The following SENP6 variants were observed in gnomAD, a reference collection of about 807,000 sequenced individuals.
The protein encoded by SENP6 is sentrin-specific protease 6.
In SENP6, 41 loss-of-function variants were observed where a neutral mutation model predicts 134.5. The observed-to-expected ratio is 0.30, with a 90% CI of 0.24 to 0.40. The LOEUF is 0.40. SENP6 is among the 10% of genes least tolerant of loss of function. The pLI is 1.00. For synonymous variants in SENP6, 395 were observed against 429.8 expected (o/e 0.92, Z 1.00); for missense variants, 1,248 against 1,312.5 (o/e 0.95, Z 0.76).
At chr6:75,665,242 C>T (rs1053696712) in intron 9 of SENP6, among the ~76,000 whole-genome samples, 3 of 151,128 alleles carry the variant, frequency 2.0e-5, no homozygotes, top group South Asian at 2.1e-4. Context: ...GCCAAGATCG[C>T]GCCACTGCGC....
At position 75,702,924 on chromosome 6, in the gene SENP6, T is replaced by C; in HGVS notation, c.2568T>C (p.Ser856=). Residue 856 remains serine, a synonymous_variant, in exon 19 of 24, where the codon AGT becomes AGC. Coordinates refer to ENST00000447266, the MANE Select transcript of SENP6 (RefSeq NM_015571.4). The part of the protein sequence containing the change: ...SDPRYKRNIC[S]VKYSVKKINH... Reference sequence around the variant, plus strand: ...CTCGTTATAAGAGAAACATATGCAGTGTAAAATACAGTGTGAAAAAAATAA... The same window carrying C: ...CTCGTTATAAGAGAAACATATGCAGCGTAAAATACAGTGTGAAAAAAATAA... 6.2e-7 allele frequency: 1 copy of C among 1,614,058 alleles called. No individual in the cohort carries two copies. The highest frequency in any genetic ancestry group is 1.3e-5 in the African/African-American group (1 of 75,030).
At chr6:75,669,882 ATTT>A (rs894290199) in intron 10 of SENP6, among the ~76,000 whole-genome samples, 1 of 152,102 alleles carries the variant, frequency 6.6e-6, no homozygotes, top group African/African-American at 2.4e-5. Flanking sequence ...TACTCTGCAT[ATTT>A]TAGAGTTTAG....
At chr6:75,661,017 T>C (rs1008031333) in intron 8 of SENP6, among the ~76,000 whole-genome samples, 5 of 152,132 alleles carry the variant, frequency 3.3e-5, no homozygotes, top group South Asian at 2.1e-4. Context: ...TCTTCTCCTT[T>C]AAGTGGAGGG....
intron 1 of SENP6, among the ~76,000 whole-genome samples, chr6:75,621,026 A>C (rs569376247): frequency 6.6e-6 from 1 of 152,300 alleles, no homozygotes; most frequent in South Asian, 2.1e-4. Context: ...TAATGAGCAC[A>C]TTTAGTGTTC....
At chr6:75,669,587 T>C (rs1418189251) in intron 10 of SENP6, among the ~76,000 whole-genome samples, 1 of 152,172 alleles carries the variant, frequency 6.6e-6, no homozygotes, top group Non-Finnish European at 1.5e-5. Context: ...CTAATATAAT[T>C]ACTTGTAATT....
At chr6:75,671,104 T>G (rs1200677849) in intron 11 of SENP6, among the ~76,000 whole-genome samples, 1 of 152,336 alleles carries the variant, frequency 6.6e-6, no homozygotes, top group Admixed American at 6.5e-5. Flanking sequence ...GCATCAAGAC[T>G]CCTAGAAATA....
At chr6:75,689,079 C>T (rs527947424) in intron 16 of SENP6, among the ~76,000 whole-genome samples, 1 of 151,964 alleles carries the variant, frequency 6.6e-6, no homozygotes, top group Admixed American at 6.5e-5. Context: ...GAAAAAAATT[C>T]AGCTGGGCAT....
intron 3 of SENP6, among the ~76,000 whole-genome samples, chr6:75,633,129 T>G (rs920311986): frequency 6.6e-6 from 1 of 152,200 alleles, no homozygotes; most frequent in African/African-American, 2.4e-5. Context: ...TCTATTGAAG[T>G]ATAAAGTATC....
At chr6:75,685,180 T>C (rs1352796612) in intron 16 of SENP6, among the ~76,000 whole-genome samples, 1 of 152,184 alleles carries the variant, frequency 6.6e-6, no homozygotes, top group Non-Finnish European at 1.5e-5. Context: ...TCTAGATTAT[T>C]TGCATAGAGG....
intron 3 of SENP6, among the ~76,000 whole-genome samples, chr6:75,624,508 A>G (rs1768516794): frequency 1.3e-5 from 2 of 152,116 alleles, no homozygotes; most frequent in African/African-American, 4.8e-5. Flanking sequence ...CACTTGTTCC[A>G]TCGATATCTG....
At chr6:75,686,733 CTT>C (rs773647016) in intron 16 of SENP6, among the ~76,000 whole-genome samples, 33 of 152,322 alleles carry the variant, frequency 2.2e-4, no homozygotes, top group Non-Finnish European at 4.6e-4. Flanking sequence ...CCCCCACTCT[CTT>C]CTGGCTTGTA....
intron 2 of SENP6, among the ~76,000 whole-genome samples, chr6:75,623,100 C>G (rs1036795400): frequency 1.3e-5 from 2 of 151,896 alleles, no homozygotes; most frequent in East Asian, 3.9e-4. Flanking sequence ...AACAGTAATA[C>G]AACATTTTAC....
At chr6:75,695,403 G>A (rs1774588528) in intron 16 of SENP6, among the ~76,000 whole-genome samples, 1 of 152,252 alleles carries the variant, frequency 6.6e-6, no homozygotes, top group Non-Finnish European at 1.5e-5. Flanking sequence ...AAGAGAGATT[G>A]ATGGTTCTAA....
intron 16 of SENP6, among the ~76,000 whole-genome samples, chr6:75,681,630 C>T (rs905133095): frequency 3.9e-5 from 6 of 151,974 alleles, no homozygotes; most frequent in Admixed American, 1.3e-4. Context: ...AGCTAATTTT[C>T]AGGTAGTTCT....
chr6:75,697,559 T>G (rs1176722880), intron 18 of SENP6, 42 bp downstream of exon 18: 1 of 1,350,496 alleles, frequency 7.4e-7, no homozygotes, highest in Non-Finnish European at 1.1e-6. Context: ...TTAAATCATG[T>G]AAATGATGGC....
At chr6:75,642,150 T>C (rs565011922) in intron 6 of SENP6, among the ~76,000 whole-genome samples, 1 of 152,224 alleles carries the variant, frequency 6.6e-6, no homozygotes, top group Non-Finnish European at 1.5e-5. Flanking sequence ...CATACGCTTT[T>C]ATTCATTCCA....
chr6:75,604,994 A>AC (rs1179236382), intron 1 of SENP6, among the ~76,000 whole-genome samples: 1 of 152,034 alleles, frequency 6.6e-6, no homozygotes, highest in Non-Finnish European at 1.5e-5. Context: ...AATCACCTGA[A>AC]CCCAGGAGCT....
intron 16 of SENP6, among the ~76,000 whole-genome samples, chr6:75,685,987 C>T (rs1282332624): frequency 2.6e-5 from 4 of 152,104 alleles, no homozygotes; most frequent in African/African-American, 9.7e-5. Flanking sequence ...CTAATGTTGA[C>T]AGTGGGGTGT....
intron 19 of SENP6, among the ~76,000 whole-genome samples, chr6:75,709,242 A>T (rs1775604714): frequency 6.6e-6 from 1 of 152,166 alleles, no homozygotes; most frequent in Admixed American, 6.5e-5. Context: ...ACACATATAC[A>T]TATGTATATG....
Sources: gnomAD v4.1 joint callset for allele counts (sites outside exome capture counted in the v4.1 genomes callset) on GRCh38, gnomAD v4.1.1 for gene constraint, MANE v1.5 for transcripts, NCBI Gene and HGNC (gene_info 2026-07-23, HGNC 2026-07-21) for gene names.